Variants in ANK2 observed in about 807,000 individuals in gnomAD.
ANK2 encodes the protein ankyrin-2.
Under a neutral mutation model 360.5 loss-of-function variants are expected in ANK2, and 83 were observed. That is an observed-to-expected ratio of 0.23 (90% CI 0.19 to 0.28). The LOEUF (loss-of-function observed/expected upper bound fraction) is 0.28, where lower values mean the gene tolerates loss of function less well. Among genes scored for constraint, ANK2 ranks in the 10% least tolerant of loss-of-function variants. ANK2 has a pLI of 1.00. For missense variants in ANK2, 4,201 were observed against 4,795.7 expected, an observed-to-expected ratio of 0.88 and a Z score of 3.66; for synonymous variants, 1,740 against 1,759.5, an observed-to-expected ratio of 0.99 and a Z score of 0.28.
the ANK2 span, among the ~76,000 whole-genome samples, chr4:112,757,322 G>A: frequency 6.6e-6 from 1 of 151,970 alleles, no homozygotes; most frequent in Non-Finnish European, 1.5e-5. Flanking sequence ...GTTTCACCAT[G>A]TTGGCCAGGC....
chr4:113,358,729 A>G lies in ANK2; in HGVS notation c.10111A>G (p.Thr3371Ala). 1 of 1,614,112 alleles carries G rather than the reference A, an allele frequency of 6.2e-7. No homozygotes were observed. The highest frequency in any genetic ancestry group is 8.5e-7 in the Non-Finnish European group (1 of 1,179,964). The stretch of plus-strand genomic sequence containing the variant: ...AGATCTAGACACCTCTGTCCAGAAG[A>G]CAGTGGCTCCTCAGGGACAGGACAT... ...LSDLDTSVQK[T>A]VAPQGQDMAS... Residue 3371 changes from threonine (T) to alanine (A), a missense_variant, in exon 38 of 46, where the codon ACA (threonine) becomes GCA (alanine). By Grantham distance (58) the Thr-to-Ala change is moderately conservative. Around this residue, in one of 4 missense-constraint regions of ANK2, gnomAD observed 2,642 missense variants for 2,714.5 expected, o/e 0.97. Transcript: ENST00000357077.
At chr4:113,100,761 A>G (rs1196919564) in intron 1 of ANK2, among the ~76,000 whole-genome samples, 1 of 152,178 alleles carries the variant, frequency 6.6e-6, no homozygotes, top group African/African-American at 2.4e-5. Context: ...ATAAACTGTG[A>G]TATTACAGTT....
chr4:112,880,684 T>C (rs538321151), intron 1 of ANK2: 118 of 152,350 alleles, frequency 7.7e-4, no homozygotes, highest in African/African-American at 2.8e-3. Context: ...TCCATTTAAT[T>C]AGCAGATGGA....
chr4:113,252,077 A>C (rs1236008851), intron 10 of ANK2, among the ~76,000 whole-genome samples: 1 of 152,144 alleles, frequency 6.6e-6, no homozygotes, highest in African/African-American at 2.4e-5. Flanking sequence ...CCTGAGGAGG[A>C]ACTCACAGTC....
intron 5 of ANK2, 95 bp downstream of exon 5, chr4:113,232,354 A>G: frequency 1.1e-6 from 1 of 943,226 alleles, no homozygotes. Flanking sequence ...TTTGTCTAAA[A>G]TATGCTAGGA....
chr4:113,288,041 A>AT (rs1448968656), intron 19 of ANK2, among the ~76,000 whole-genome samples: 1 of 151,986 alleles, frequency 6.6e-6, no homozygotes, highest in Admixed American at 6.6e-5. Context: ...CTGGAAATGG[A>AT]TTTTCCCTCT....
At chr4:113,202,116 T>C (rs2098837999) in intron 4 of ANK2, among the ~76,000 whole-genome samples, 1 of 152,154 alleles carries the variant, frequency 6.6e-6, no homozygotes, top group Non-Finnish European at 1.5e-5. Flanking sequence ...TGAATTTATG[T>C]ACCCATCATT....
intron 1 of ANK2, among the ~76,000 whole-genome samples, chr4:113,161,342 T>C (rs1466695853): frequency 6.6e-6 from 1 of 152,228 alleles, no homozygotes; most frequent in East Asian, 1.9e-4. Context: ...TAAAAGGCAG[T>C]GCAAGCTACA....
At chr4:112,750,478 A>G in the ANK2 span, among the ~76,000 whole-genome samples, 2 of 152,168 alleles carry the variant, frequency 1.3e-5, no homozygotes, top group Non-Finnish European at 2.9e-5. Flanking sequence ...TTCAGTATAT[A>G]TATATATAGT....
intron 1 of ANK2, among the ~76,000 whole-genome samples, chr4:112,887,521 T>A (rs2078750948): frequency 6.6e-6 from 1 of 152,220 alleles, no homozygotes. Flanking sequence ...TAGTAAGCAC[T>A]CAATAATTAT....
chr4:113,373,308 G>A lies in ANK2; in HGVS notation c.11718G>A (p.Arg3906=), dbSNP rs35724152. ...AGGTTACTAGGAAAATCATTAGGCGGTATGTATCCTCTGAAGGCACAGAGA... is the reference window on the plus strand; with the variant it reads ...AGGTTACTAGGAAAATCATTAGGCGATATGTATCCTCTGAAGGCACAGAGA... The part of the protein sequence containing the change: ...VKKVTRKIIR[R]YVSSEGTEKE... The change falls in exon 45 of 46, where the codon CGG becomes CGA. Residue 3906 remains arginine, a synonymous_variant. Transcript: ENST00000357077. 344 of 1,614,136 alleles carry A rather than the reference G, an allele frequency of 2.1e-4. 2 individuals are homozygous for A. The African/African-American group carries it at 3.9e-3, about 18-fold the overall frequency.
intron 2 of ANK2, among the ~76,000 whole-genome samples, chr4:112,906,330 C>T (rs781554934): frequency 1.3e-4 from 20 of 151,932 alleles, no homozygotes; most frequent in Non-Finnish European, 2.9e-4. Context: ...GAAACCAGAC[C>T]GGATTAGTTT....
intron 9 of ANK2, among the ~76,000 whole-genome samples, chr4:113,242,426 C>T (rs2040468341): frequency 6.6e-6 from 1 of 152,124 alleles, no homozygotes. Context: ...AAATGTTGGT[C>T]CCTCAATGAG....
chr4:113,052,822 C>T (rs896682660), intron 1 of ANK2, among the ~76,000 whole-genome samples: 8 of 152,196 alleles, frequency 5.3e-5, no homozygotes, highest in African/African-American at 1.7e-4. Flanking sequence ...GCACAGGATA[C>T]GGGCTTCAGT....
chr4:112,826,774 C>G, intron 1 of ANK2: 1 of 975,168 alleles, frequency 1.0e-6, no homozygotes, highest in Non-Finnish European at 1.6e-6. Context: ...ATTACTCTGC[C>G]TGGAAATAAA....
chr4:112,996,227 T>C (rs1012228065), intron 2 of ANK2, among the ~76,000 whole-genome samples: 1 of 152,210 alleles, frequency 6.6e-6, no homozygotes, highest in African/African-American at 2.4e-5. Context: ...AACTAATTCA[T>C]AGTGGCAGAA....
rs1452229518 is a variant in ANK2, at chr4:113,358,178, G to A, written c.9560G>A (p.Ser3187Asn). ...DEADLLPDDVSEEVEEIPASD... is the reference protein window; with the variant it reads ...DEADLLPDDVNEEVEEIPASD... Reference sequence around the variant, plus strand: ...GCAGACTTACTTCCAGATGACGTGAGTGAGGAAGTAGAGGAAATACCTGCT... The same window carrying A: ...GCAGACTTACTTCCAGATGACGTGAATGAGGAAGTAGAGGAAATACCTGCT... The change falls in exon 38 of 46, where the codon AGT becomes AAT. Residue 3187 changes from serine to asparagine, a missense_variant. Ser to Asn is a conservative substitution (Grantham distance 46). Coordinates refer to ENST00000357077, the MANE Select transcript of ANK2 (RefSeq NM_001148.6). 4 of 1,614,080 alleles carry A rather than the reference G, an allele frequency of 2.5e-6. No individual in the cohort carries two copies. The highest frequency in any genetic ancestry group is 3.4e-6 in the Non-Finnish European group (4 of 1,179,970).
At chr4:113,310,519 C>A (rs568558015) in intron 23 of ANK2, among the ~76,000 whole-genome samples, 1 of 152,176 alleles carries the variant, frequency 6.6e-6, no homozygotes, top group South Asian at 2.1e-4. Flanking sequence ...TGGGTTCAAG[C>A]AATTCTCCTG....
At chr4:112,817,726 T>C (rs985174869), upstream of ANK2, among the ~76,000 whole-genome samples, 77 of 152,172 alleles carry the variant, frequency 5.1e-4, no homozygotes, top group East Asian at 2.7e-3. Context: ...GTGGTGGTAG[T>C]GATTTATAGA....
Sources: allele counts gnomAD v4.1 joint callset (sites outside exome capture counted in the v4.1 genomes callset), GRCh38; gene constraint gnomAD v4.1.1; regional missense constraint gnomAD v4.1.1; transcripts MANE v1.5; gene names NCBI Gene and HGNC (gene_info 2026-07-23, HGNC 2026-07-21).